Variants in CNBD1 observed in about 807,000 individuals in gnomAD.
CNBD1 encodes cyclic nucleotide binding domain containing 1.
Under a neutral mutation model 54.4 loss-of-function variants are expected in CNBD1, and 71 were observed. That is an observed-to-expected ratio of 1.30 (90% CI 1.08 to 1.59). CNBD1 has a LOEUF of 1.59. CNBD1 is among the 40% of genes most tolerant of loss of function. CNBD1 has a pLI of 0.00. For synonymous variants in CNBD1, 182 were observed against 170.7 expected, an observed-to-expected ratio of 1.07 and a Z score of -0.51; for missense variants, 659 against 518.0, an observed-to-expected ratio of 1.27 and a Z score of -2.64.
intron 2 of CNBD1, among the ~76,000 whole-genome samples, chr8:87,420,239 C>G (rs1332219734): frequency 6.6e-6 from 1 of 151,838 alleles, no homozygotes; most frequent in Admixed American, 6.6e-5. Context: ...TTTGTGTAAG[C>G]ACTATAATGA....
chr8:87,172,942 C>T (rs1813120151), intron 4 of CNBD1, among the ~76,000 whole-genome samples: 1 of 151,694 alleles, frequency 6.6e-6, no homozygotes, highest in Admixed American at 6.6e-5. Flanking sequence ...ATTTTGTGGC[C>T]TTTCTCTTCC....
intron 4 of CNBD1, among the ~76,000 whole-genome samples, chr8:86,999,985 A>T (rs997108326): frequency 1.3e-5 from 2 of 151,918 alleles, no homozygotes; most frequent in East Asian, 1.9e-4. Flanking sequence ...ATTATTTTTT[A>T]TTTTTTTTCC....
At chr8:87,041,273 G>A (rs749866638) in intron 4 of CNBD1, among the ~76,000 whole-genome samples, 1 of 152,118 alleles carries the variant, frequency 6.6e-6, no homozygotes, top group Non-Finnish European at 1.5e-5. Flanking sequence ...GCCTAGGAAT[G>A]TGACATTTGA....
chr8:87,378,151 A>G (rs1426098458), intron 10 of CNBD1, among the ~76,000 whole-genome samples: 2 of 141,202 alleles, frequency 1.4e-5, no homozygotes, highest in East Asian at 2.0e-4. Context: ...GAAGCTCTTT[A>G]GTTTAATTAG....
rs917009870 is a variant in CNBD1 at position 87,245,339 on chromosome 8, A to T, written c.771+8227A>T. ...ATAAAAGAGATATGTTTATTGGTAC[A>T]TAGTAAGTCTGTTTACCAACGCTTT... On this transcript the variant is annotated intron_variant, in intron 6 of 10. Coordinates refer to ENST00000518476, the MANE Select transcript of CNBD1 (RefSeq NM_173538.3). Among the ~76,000 whole-genome samples, 26 of 152,204 alleles carry T rather than the reference A, an allele frequency of 1.7e-4. No individual in the cohort carries two copies. In the East Asian group the frequency reaches 4.4e-3, roughly 26 times the overall value.
intron 8 of CNBD1, among the ~76,000 whole-genome samples, chr8:87,292,458 G>T (rs1808806147): frequency 6.6e-6 from 1 of 152,142 alleles, no homozygotes; most frequent in Non-Finnish European, 1.5e-5. Context: ...TATGCATGCG[G>T]CAAGCTTTCT....
rs180905850 is a variant in CNBD1, at chr8:86,947,015, A to C, written c.431+7261A>C. Among the ~76,000 whole-genome samples the C allele has an allele frequency of 4.6e-4, 70 of 152,282 alleles. 1 individual carries two copies. The highest frequency in any genetic ancestry group is 1.6e-3 in the African/African-American group (68 of 41,584). On this transcript the variant is annotated intron_variant, in intron 4 of 10. Transcript: ENST00000518476. The stretch of plus-strand genomic sequence containing the variant: ...CCATTTTAGAGAAACATAGATAATT[A>C]AGTCCAGGCTCAAGTCATACAATAT...
intron 8 of CNBD1, among the ~76,000 whole-genome samples, chr8:87,319,902 C>G (rs10110391): frequency 6.6e-6 from 1 of 151,712 alleles, no homozygotes; most frequent in African/African-American, 2.4e-5. Context: ...GGATTTTGTC[C>G]TAAGTTCTTG....
chr8:87,073,600 T>C (rs1810804202), intron 4 of CNBD1, among the ~76,000 whole-genome samples: 1 of 152,110 alleles, frequency 6.6e-6, no homozygotes, highest in African/African-American at 2.4e-5. Context: ...CTCCAGACCA[T>C]AGTTGCCTTA....
Position 87,110,326 on chromosome 8 carries a change from C to T in CNBD1, c.432-95667C>T, listed in dbSNP as rs1811636834. ...AAGTGACCTCTACACATTGAATCTG[C>T]TGCTGTGTGGCCTAAGCATATTGGC... On this transcript the variant is annotated intron_variant, in intron 4 of 10. Coordinates refer to ENST00000518476, the MANE Select transcript of CNBD1 (RefSeq NM_173538.3). Among the ~76,000 whole-genome samples the T allele has an allele frequency of 4.6e-5, 7 of 152,334 alleles. No homozygotes were observed. In the South Asian group the frequency reaches 1.2e-3, roughly 27 times the overall value.
chr8:87,267,371 A>C (rs1286186894), intron 6 of CNBD1, among the ~76,000 whole-genome samples: 1 of 152,176 alleles, frequency 6.6e-6, no homozygotes, highest in Non-Finnish European at 1.5e-5. Context: ...ATGAAAAAAA[A>C]TTAGACAATA....
At chr8:87,074,831 C>A (rs1810834985) in intron 4 of CNBD1, among the ~76,000 whole-genome samples, 1 of 152,186 alleles carries the variant, frequency 6.6e-6, no homozygotes, top group African/African-American at 2.4e-5. Context: ...CTCTTTCATT[C>A]CTCTCCATGA....
intron 8 of CNBD1, among the ~76,000 whole-genome samples, chr8:87,313,949 T>G (rs1809328389): frequency 6.6e-6 from 1 of 151,972 alleles, no homozygotes. Context: ...GTTTTTACCT[T>G]GTGTGTTCAT....
rs185157626 is a variant in CNBD1 at position 87,417,488 on chromosome 8, C to T, written c.214-11058C>T. On this transcript the variant is annotated intron_variant, in intron 2 of 7. Coordinates refer to the CNBD1 transcript ENST00000521593. ...TCCTCAACCTGGTAAAAATCACCCC[C>T]TGGGAAATTTGGCAAGTAAATGGAA... Among the ~76,000 whole-genome samples the T allele has an allele frequency of 4.2e-3, 636 of 152,068 alleles. 3 individuals carry two copies. The highest frequency in any genetic ancestry group is 5.2e-3 in the Non-Finnish European group (350 of 67,908).
intron 4 of CNBD1, among the ~76,000 whole-genome samples, chr8:87,004,194 AAC>A (rs1310836440): frequency 1.3e-5 from 2 of 152,170 alleles, no homozygotes; most frequent in Non-Finnish European, 2.9e-5. Context: ...CTGCACAGAA[AAC>A]AGAGTGCCAG....
chr8:87,255,579 A>G (rs1192558937), intron 6 of CNBD1, among the ~76,000 whole-genome samples: 1 of 152,034 alleles, frequency 6.6e-6, no homozygotes, highest in African/African-American at 2.4e-5. Context: ...AATACTAAAA[A>G]TAAATATCTG....
At chr8:87,325,363 A>T (rs1372059369) in intron 8 of CNBD1, among the ~76,000 whole-genome samples, 1 of 89,952 alleles carries the variant, frequency 1.1e-5, no homozygotes, top group Admixed American at 9.8e-5. Context: ...ATCCTTGTTG[A>T]CTTTCTGTCT....
At chr8:87,219,425 TCTTGAAATA>T (rs1814279168) in intron 5 of CNBD1, among the ~76,000 whole-genome samples, 1 of 151,972 alleles carries the variant, frequency 6.6e-6, no homozygotes, top group Admixed American at 6.6e-5. Context: ...AACAGTGTGG[TCTTGAAATA>T]CTTAAATACC....
intron 5 of CNBD1, among the ~76,000 whole-genome samples, chr8:87,222,717 G>C (rs1352012642): frequency 6.6e-6 from 1 of 152,130 alleles, no homozygotes; most frequent in Non-Finnish European, 1.5e-5. Flanking sequence ...GCTTTAATCA[G>C]ACTTTGTAAT....
Sources: allele counts gnomAD v4.1 joint callset (sites outside exome capture counted in the v4.1 genomes callset), GRCh38; gene constraint gnomAD v4.1.1; transcripts MANE v1.5; gene names NCBI Gene and HGNC (gene_info 2026-07-23, HGNC 2026-07-21).